The following TDP2 variants were observed in gnomAD, a reference collection of about 807,000 sequenced individuals.
TDP2 encodes 5'-Tyr-DNA phosphodiesterase.
In TDP2, 38 loss-of-function variants were observed where a neutral mutation model predicts 42.8. The ratio of observed to expected loss-of-function variants is 0.89; its 90% CI spans 0.68 to 1.16. TDP2 has a LOEUF of 1.16. Among genes scored for constraint, TDP2 ranks in the 50% most tolerant of loss-of-function variants. The pLI is 0.00. For synonymous variants in TDP2, 173 were observed against 150.6 expected (o/e 1.15, Z -1.09); for missense variants, 439 against 439.3 (o/e 1.00, Z 0.01).
intron 2 of TDP2, among the ~76,000 whole-genome samples, chr6:24,663,754 C>T (rs1778190529): frequency 6.6e-6 from 1 of 152,160 alleles, no homozygotes; most frequent in Admixed American, 6.5e-5. Context: ...CCAGCAGAGG[C>T]TGGGGCCATG....
intron 2 of TDP2, among the ~76,000 whole-genome samples, chr6:24,663,591 T>C (rs1452830046): frequency 6.6e-6 from 1 of 152,188 alleles, no homozygotes; most frequent in Non-Finnish European, 1.5e-5. Context: ...CCCTCATTAA[T>C]GTCTTGGTGC....
Position 24,650,940 on chromosome 6 carries a change from G to A in TDP2, c.937C>T (p.Leu313Phe). The A allele has an allele frequency of 1.9e-6, 3 of 1,614,158 alleles. No individual in the cohort carries two copies. The highest frequency in any genetic ancestry group is 2.5e-6 in the Non-Finnish European group (3 of 1,180,030). ...CTGAAAAATATTCGATCAAAACGAAGTTTACAAGCAGCAGTTATTCCAAGA... is the reference window on the plus strand; with the variant it reads ...CTGAAAAATATTCGATCAAAACGAAATTTACAAGCAGCAGTTATTCCAAGA... ...SNLGITAACK[L>F]RFDRIFFRAA... is the part of the protein sequence containing the mutation. The change falls in exon 7 of 7, where the codon CTT becomes TTT. Residue 313 changes from leucine to phenylalanine, a missense_variant. Coordinates refer to ENST00000378198, the MANE Select transcript of TDP2 (RefSeq NM_016614.3).
chr6:24,651,096 G>T, intron 6 of TDP2, 27 bp from the exon 7 acceptor site: 4 of 1,497,224 alleles, frequency 2.7e-6, no homozygotes, highest in South Asian at 1.2e-5. Context: ...TACTCTCTAA[G>T]ATACACATAG....
At chr6:24,666,308 T>C in intron 2 of TDP2, 2 of 1,527,924 alleles carry the variant, frequency 1.3e-6, no homozygotes, top group South Asian at 2.4e-5. Flanking sequence ...GGACCCCAAA[T>C]CACGTTCGAA....
In TDP2 at chr6:24,653,095, CCTCTGGTGCT is replaced by C. The variant is rs751106145; in HGVS notation, c.685_694del (p.Ser229GlyfsTer7). The stretch of plus-strand genomic sequence containing the variant: ...CTGATTCATTCGTTCCGCAGCATGC[CCTCTGGTGCT>C]CTCCAAATGGGATGTCATAAGGCAA... On this transcript the variant is annotated frameshift_variant, in exon 6 of 7. Coordinates refer to ENST00000378198, the MANE Select transcript of TDP2 (RefSeq NM_016614.3). LOFTEE classifies it high-confidence loss of function. 3 of 1,613,960 alleles carry C rather than the reference CCTCTGGTGCT, an allele frequency of 1.9e-6. No individual in the cohort carries two copies. The African/African-American group carries it at 4.0e-5, about 22-fold the overall frequency.
intron 2 of TDP2, chr6:24,665,927 G>A (rs1778224958): frequency 1.6e-6 from 1 of 622,642 alleles, no homozygotes; most frequent in Non-Finnish European, 2.4e-6. Context: ...TCAAAGACAG[G>A]AGAAAATGAC....
intron 2 of TDP2, 49 bp from the exon 3 acceptor site, chr6:24,658,783 A>C: frequency 5.8e-6 from 9 of 1,543,800 alleles, no homozygotes; most frequent in Non-Finnish European, 7.9e-6. Flanking sequence ...CTATAAATTG[A>C]TTAAGAATTA....
Position 24,653,553 on chromosome 6 carries a change from GTAT to G in TDP2, c.637-403_637-401del, listed in dbSNP as rs1439538453. ...GCAGAGATGATTCTTATTTATTGCT[GTAT>G]TATTAAGGGCCTGGCATACAGGTAT... On this transcript the variant is annotated intron_variant, in intron 5 of 6. Coordinates refer to ENST00000378198, the MANE Select transcript of TDP2 (RefSeq NM_016614.3). 2.0e-4 allele frequency among the ~76,000 whole-genome samples: 30 copies of G among 152,198 alleles called. 1 individual carries two copies. The highest frequency in any genetic ancestry group is 1.9e-3 in the Admixed American group (29 of 15,286).
At chr6:24,666,350 C>T in intron 2 of TDP2, 176 bp downstream of exon 2, 3 of 1,476,208 alleles carry the variant, frequency 2.0e-6, no homozygotes, top group Non-Finnish European at 2.8e-6. Flanking sequence ...AGATCCGCTG[C>T]TGGGGCGCAA....
At chr6:24,652,466 G>GA in intron 6 of TDP2, among the ~76,000 whole-genome samples, 1 of 152,186 alleles carries the variant, frequency 6.6e-6, no homozygotes, top group East Asian at 1.9e-4. Context: ...TGTCTCAACT[G>GA]AGCTATAGGC....
At chr6:24,666,239 C>T (rs1279427597) in intron 2 of TDP2, 1 of 1,545,256 alleles carries the variant, frequency 6.5e-7, no homozygotes, top group East Asian at 2.4e-5. Flanking sequence ...TTTCAAACCT[C>T]TCGCTTACTT....
chr6:24,658,493 C>A, intron 3 of TDP2, 68 bp downstream of exon 3: 2 of 1,288,142 alleles, frequency 1.6e-6, no homozygotes, highest in South Asian at 3.3e-5. Flanking sequence ...CTAAAGCCCA[C>A]AACCTTGAAC....
chr6:24,652,833 G>A, intron 6 of TDP2, 150 bp downstream of exon 6: 1 of 821,392 alleles, frequency 1.2e-6, no homozygotes, highest in Non-Finnish European at 2.0e-6. Context: ...ATACAGCATA[G>A]GCTAAACAAA....
intron 2 of TDP2, among the ~76,000 whole-genome samples, chr6:24,661,486 A>G (rs894953926): frequency 6.6e-6 from 1 of 152,152 alleles, no homozygotes; most frequent in Non-Finnish European, 1.5e-5. Flanking sequence ...CTCATCTTGT[A>G]CTTTTTTTGC....
intron 2 of TDP2, among the ~76,000 whole-genome samples, chr6:24,660,181 T>G (rs1263718131): frequency 6.6e-6 from 1 of 152,262 alleles, no homozygotes; most frequent in African/African-American, 2.4e-5. Context: ...TTACTTGCTT[T>G]ATTCTTTTTA....
intron 2 of TDP2, chr6:24,665,944 G>C: frequency 2.5e-6 from 2 of 795,464 alleles, no homozygotes; most frequent in Non-Finnish European, 3.5e-6. Context: ...TGACCCGTTG[G>C]AAAAAAGTAA....
intron 2 of TDP2, chr6:24,666,261 TTTGAGTTAAACA>T: frequency 6.5e-7 from 1 of 1,545,056 alleles, no homozygotes; most frequent in Admixed American, 2.0e-5. Context: ...TTTCCTTTCA[TTTGAGTTAAACA>T]TTACATTTCC....
rs1212717993 is a variant in TDP2, at chr6:24,654,548, A to G, written c.518-18T>C. 7.4e-7 allele frequency: 1 copy of G among 1,355,846 alleles called. No homozygotes were observed. The highest frequency in any genetic ancestry group is 2.3e-5 in the East Asian group (1 of 43,284). 84.0% of individuals were successfully genotyped at this position (1,355,846 alleles called of 1,614,324 possible). ...TTCATGACCTACAAATGTTTGTGGA[A>G]AAGAATTTAGGCTGAGAAGGTGAGA... On this transcript the variant is annotated intron_variant, in intron 4 of 6. Coordinates refer to ENST00000378198, the MANE Select transcript of TDP2 (RefSeq NM_016614.3).
intron 3 of TDP2, 65 bp from the exon 4 acceptor site, chr6:24,657,968 G>T: frequency 8.6e-7 from 1 of 1,167,064 alleles, no homozygotes; most frequent in Non-Finnish European, 1.2e-6. Context: ...CTACCTAAAT[G>T]AAGGAAATCC....
Sources: allele counts gnomAD v4.1 joint callset (sites outside exome capture counted in the v4.1 genomes callset), GRCh38; gene constraint gnomAD v4.1.1; transcripts MANE v1.5; gene names NCBI Gene and HGNC (gene_info 2026-07-23, HGNC 2026-07-21).